The following TLE4 variants were observed in gnomAD, a reference collection of about 807,000 sequenced individuals.
The protein encoded by TLE4 is transducin-like enhancer protein 4.
A neutral mutation model predicts 92.8 loss-of-function variants in TLE4; 8 were observed. The ratio of observed to expected loss-of-function variants is 0.09; its 90% CI spans 0.05 to 0.16. The LOEUF is 0.16. Ranked by LOEUF, TLE4 falls within the 10% of genes least tolerant of loss-of-function variation. TLE4 has a pLI of 1.00. For synonymous variants in TLE4, 371 were observed against 374.1 expected (o/e 0.99, Z 0.10); for missense variants, 675 against 997.6 (o/e 0.68, Z 4.36).
intron 3 of TLE4, 82 bp downstream of exon 3, chr9:79,575,018 T>A (rs1238209725): frequency 8.4e-7 from 1 of 1,188,368 alleles, no homozygotes; most frequent in Non-Finnish European, 1.2e-6. Context: ...TGCTGGGGGC[T>A]GCAAGATAGA....
intron 4 of TLE4, among the ~76,000 whole-genome samples, chr9:79,600,124 C>G (rs530252848): frequency 3.3e-5 from 5 of 152,278 alleles, no homozygotes; most frequent in African/African-American, 1.2e-4. Flanking sequence ...TTCTAAGGTG[C>G]ATTTGTTTAA....
chr9:79,696,537 A>G (rs544773411), intron 8 of TLE4, among the ~76,000 whole-genome samples: 2 of 152,152 alleles, frequency 1.3e-5, no homozygotes, highest in Admixed American at 6.6e-5. Flanking sequence ...ACCCTCAGAC[A>G]TTGTATAGAG....
chr9:79,576,215 A>G (rs745895918), intron 4 of TLE4, 38 bp downstream of exon 4: 7 of 1,383,774 alleles, frequency 5.1e-6, no homozygotes, highest in African/African-American at 2.9e-5. Flanking sequence ...AATGACAGTA[A>G]TACTGGGACA....
intron 4 of TLE4, among the ~76,000 whole-genome samples, chr9:79,592,216 CTCTTCT>C (rs528773975): frequency 8.1e-5 from 8 of 98,328 alleles, no homozygotes; most frequent in Non-Finnish European, 1.5e-4. Flanking sequence ...CTTCTTCTTC[CTCTTCT>C]TCTTCTTCTT....
At chr9:79,680,205 G>T (rs1013109036) in intron 8 of TLE4, among the ~76,000 whole-genome samples, 1 of 151,014 alleles carries the variant, frequency 6.6e-6, no homozygotes, top group Non-Finnish European at 1.5e-5. Flanking sequence ...AATTACCTTG[G>T]GCAGTATGGC....
At chr9:79,574,794 G>A in intron 2 of TLE4, 79 bp from the exon 3 acceptor site, 1 of 1,192,896 alleles carries the variant, frequency 8.4e-7, no homozygotes, top group Non-Finnish European at 1.2e-6. Flanking sequence ...GTTTGTAGGT[G>A]AGATTTAGAA....
intron 6 of TLE4, among the ~76,000 whole-genome samples, chr9:79,646,496 T>C (rs1201486356): frequency 6.6e-6 from 1 of 152,236 alleles, no homozygotes; most frequent in Non-Finnish European, 1.5e-5. Flanking sequence ...ATTTGATAAA[T>C]TAAGGCCATT....
chr9:79,657,963 C>T lies in TLE4; in HGVS notation c.609+3888C>T, dbSNP rs555342120. On this transcript the variant is annotated intron_variant, in intron 8 of 19. Transcript: ENST00000376552. The stretch of plus-strand genomic sequence containing the variant: ...TGAGTGCAATAGCCTTCTCAAGTCA[C>T]ATCTATGAGGGATTTGCCTTTTTTA... 3.3e-5 allele frequency among the ~76,000 whole-genome samples: 5 copies of T among 152,316 alleles called. No homozygotes were observed. The South Asian group carries it at 6.2e-4, about 19-fold the overall frequency.
intron 8 of TLE4, among the ~76,000 whole-genome samples, chr9:79,681,862 G>A (rs1467257810): frequency 1.4e-5 from 2 of 140,478 alleles, no homozygotes; most frequent in Non-Finnish European, 3.0e-5. Context: ...GTGTGTGTGT[G>A]TATGTGTGTG....
Position 79,573,800 on chromosome 9 carries a change from CTT to C in TLE4, c.143+16_143+17del. The C allele has an allele frequency of 6.5e-7, 1 of 1,537,542 alleles. No individual in the cohort carries two copies. The highest frequency in any genetic ancestry group is 8.9e-7 in the Non-Finnish European group (1 of 1,122,104). On this transcript the variant is annotated intron_variant, in intron 2 of 19. Coordinates refer to ENST00000376552, the MANE Select transcript of TLE4 (RefSeq NM_007005.6). The stretch of plus-strand genomic sequence containing the variant: ...TCAATACCACAGGTAACGATATTGA[CTT>C]TAGCTGATCCTTCTGTTTGCTTAGC...
At chr9:79,642,359 G>A (rs2057335268) in intron 6 of TLE4, among the ~76,000 whole-genome samples, 1 of 151,878 alleles carries the variant, frequency 6.6e-6, no homozygotes, top group South Asian at 2.1e-4. Flanking sequence ...GGGCTCAAGT[G>A]ATCCTCCTGC....
At chr9:79,638,524 C>T (rs897556882) in intron 6 of TLE4, among the ~76,000 whole-genome samples, 1 of 151,814 alleles carries the variant, frequency 6.6e-6, no homozygotes, top group African/African-American at 2.4e-5. Flanking sequence ...TATAGCTAGT[C>T]TGACCCTTGT....
intron 8 of TLE4, among the ~76,000 whole-genome samples, chr9:79,665,434 TAATG>T (rs1264209189): frequency 1.1e-4 from 17 of 152,314 alleles, no homozygotes; most frequent in Admixed American, 5.2e-4. Context: ...TAAAATATAT[TAATG>T]GATCGTTCCT....
At chr9:79,695,433 C>T (rs1261342141) in intron 8 of TLE4, among the ~76,000 whole-genome samples, 4 of 152,176 alleles carry the variant, frequency 2.6e-5, no homozygotes, top group African/African-American at 9.6e-5. Context: ...AGAAATAAGA[C>T]ACAATAGTGC....
At chr9:79,720,708 A>G (rs1480819931) in intron 16 of TLE4, among the ~76,000 whole-genome samples, 2 of 152,098 alleles carry the variant, frequency 1.3e-5, no homozygotes, top group African/African-American at 2.4e-5. Context: ...TATTGTTGAT[A>G]GAGCCTCACT....
intron 8 of TLE4, among the ~76,000 whole-genome samples, chr9:79,672,109 A>G (rs1390176244): frequency 6.9e-6 from 1 of 145,126 alleles, no homozygotes; most frequent in Non-Finnish European, 1.5e-5. Context: ...TACAATGTCA[A>G]GGAGCCCTCC....
At chr9:79,680,402 T>G (rs1168841592) in intron 8 of TLE4, among the ~76,000 whole-genome samples, 1 of 152,160 alleles carries the variant, frequency 6.6e-6, no homozygotes, top group African/African-American at 2.4e-5. Context: ...GCAATGGGAG[T>G]TCACTCATGA....
At chr9:79,641,295 CAGG>C (rs951635744) in intron 6 of TLE4, among the ~76,000 whole-genome samples, 3 of 151,960 alleles carry the variant, frequency 2.0e-5, no homozygotes, top group South Asian at 2.1e-4. Context: ...AGCCAGAAAC[CAGG>C]AGAAGTTATT....
At position 79,652,791 on chromosome 9, in the gene TLE4, A is replaced by AGAG; in HGVS notation, c.591_592+1dup. The AGAG allele has an allele frequency of 6.2e-7, 1 of 1,614,018 alleles. No homozygotes were observed. The highest frequency in any genetic ancestry group is 1.7e-5 in the Admixed American group (1 of 60,024). Reference sequence around the variant, plus strand: ...GAAGCACCATGACAATGATCACCAAAGAGGTGAGTAACTCTCTTGGAATGC... The same window carrying AGAG: ...GAAGCACCATGACAATGATCACCAAAGAGGAGGTGAGTAACTCTCTTGGAATGC... On this transcript the variant is annotated inframe_insertion, in exon 7 of 20. Transcript: ENST00000376552.
Sources: allele counts gnomAD v4.1 joint callset (sites outside exome capture counted in the v4.1 genomes callset), GRCh38; gene constraint gnomAD v4.1.1; transcripts MANE v1.5; gene names NCBI Gene and HGNC (gene_info 2026-07-23, HGNC 2026-07-21).